Variants in CDH12 observed in about 807,000 individuals in gnomAD.
CDH12 encodes cadherin-12.
In CDH12, 41 loss-of-function variants were observed where a neutral mutation model predicts 74.1. The ratio of observed to expected loss-of-function variants is 0.55; its 90% CI spans 0.43 to 0.72. CDH12 has a LOEUF of 0.72. Ranked by LOEUF, CDH12 falls within the 30% of genes least tolerant of loss-of-function variation. The probability of loss-of-function intolerance (pLI) is 0.00; values close to 1 mark genes in which losing one functional copy is unlikely to be tolerated. For synonymous variants in CDH12, 399 were observed against 355.0 expected (o/e 1.12, Z -1.39); for missense variants, 945 against 977.2 (o/e 0.97, Z 0.44).
intron 3 of CDH12, among the ~76,000 whole-genome samples, chr5:22,222,470 A>C (rs1408134234): frequency 1.3e-5 from 2 of 151,884 alleles, no homozygotes; most frequent in East Asian, 1.9e-4. Flanking sequence ...TGACAAGCCA[A>C]CTTTTCAATT....
rs1180064675 is a variant in CDH12 at position 21,755,763 on chromosome 5, T to C, written c.1713A>G (p.Ile571Met). 1 of 1,613,986 alleles carries C rather than the reference T, an allele frequency of 6.2e-7. No individual in the cohort carries two copies. The highest frequency in any genetic ancestry group is 1.7e-5 in the Admixed American group (1 of 59,992). ...QQELYFLPVV[I>M]EDSSYPVQSS... ...TCTGGACAGGGTAGCTGCTGTCTTC[T>C]ATTACAACAGGGAGGAAATACAACT... The change falls in exon 14 of 15, where the codon ATA becomes ATG. Residue 571 changes from isoleucine (I) to methionine (M), a missense_variant. Around this residue, in one of 3 missense-constraint regions of CDH12, gnomAD observed 791 missense variants for 792.8 expected, o/e 1.00. Transcript: ENST00000382254.
chr5:22,496,643 C>T (rs1398396967), intron 2 of CDH12, among the ~76,000 whole-genome samples: 1 of 152,148 alleles, frequency 6.6e-6, no homozygotes, highest in Admixed American at 6.5e-5. Context: ...AATCCATCAA[C>T]ACTGCTGTTG....
intron 3 of CDH12, among the ~76,000 whole-genome samples, chr5:22,332,619 G>T (rs1381892229): frequency 6.6e-6 from 1 of 151,964 alleles, no homozygotes. Context: ...ATATTTAAAA[G>T]AATAAAACAA....
intron 4 of CDH12, among the ~76,000 whole-genome samples, chr5:22,117,436 TTA>T (rs1263482105): frequency 1.6e-4 from 17 of 108,248 alleles, no homozygotes; most frequent in South Asian, 4.9e-4. Context: ...CATATATAAA[TTA>T]TATATATATA....
In CDH12 at chr5:21,850,504, T is replaced by C. The variant is rs55895245; in HGVS notation, c.646+4167A>G. Among the ~76,000 whole-genome samples the C allele has an allele frequency of 7.9e-3, 1,205 of 151,754 alleles. 7 individuals carry two copies. The highest frequency in any genetic ancestry group is 0.012 in the Admixed American group (178 of 15,174). On this transcript the variant is annotated intron_variant, in intron 7 of 14. Coordinates refer to ENST00000382254, the MANE Select transcript of CDH12 (RefSeq NM_004061.5). The stretch of plus-strand genomic sequence containing the variant: ...TAAGTATGTCTATAGTATCATAAAG[T>C]GTTAGCTCAAAATATAGAGTTATTG...
At chr5:22,611,359 T>C (rs947020965) in intron 1 of CDH12, among the ~76,000 whole-genome samples, 12 of 152,198 alleles carry the variant, frequency 7.9e-5, no homozygotes, top group African/African-American at 2.9e-4. Flanking sequence ...TTGCTCCCCA[T>C]ATTCAGTAAG....
chr5:22,610,917 G>T (rs905613463), intron 1 of CDH12, among the ~76,000 whole-genome samples: 1 of 151,946 alleles, frequency 6.6e-6, no homozygotes. Flanking sequence ...GATAGATGAG[G>T]ATGTATACGA....
chr5:22,314,091 C>T (rs1416590364), intron 3 of CDH12, among the ~76,000 whole-genome samples: 1 of 152,100 alleles, frequency 6.6e-6, no homozygotes, highest in Non-Finnish European at 1.5e-5. Context: ...GGTGGCTTTT[C>T]CAGGTGATGT....
chr5:21,755,864 G>A (rs758043983), intron 13 of CDH12, 22 bp from the exon 14 acceptor site: 7 of 1,612,504 alleles, frequency 4.3e-6, no homozygotes, highest in South Asian at 1.1e-5. Flanking sequence ...GACATTTATG[G>A]TAACATGGTT....
intron 1 of CDH12, among the ~76,000 whole-genome samples, chr5:22,759,625 G>A (rs533157994): frequency 6.6e-6 from 1 of 151,952 alleles, no homozygotes; most frequent in Non-Finnish European, 1.5e-5. Flanking sequence ...AAAACTTCTC[G>A]CATTTATTAT....
At position 22,454,695 on chromosome 5, in the gene CDH12, G is replaced by T. The variant is rs192081308; in HGVS notation, c.-427-49344C>A. Among the ~76,000 whole-genome samples the T allele has an allele frequency of 5.9e-5, 9 of 152,102 alleles. No homozygotes were observed. In the East Asian group the frequency reaches 1.6e-3, roughly 26 times the overall value. ...TCACCATGTTGGCCAGGCTAGTCTC[G>T]AACTCCTGTCCTTAAATGATCCACC... On this transcript the variant is annotated intron_variant, in intron 2 of 14. Coordinates refer to ENST00000382254, the MANE Select transcript of CDH12 (RefSeq NM_004061.5).
intron 4 of CDH12, among the ~76,000 whole-genome samples, chr5:22,098,610 T>G (rs1228513040): frequency 4.6e-5 from 7 of 152,290 alleles, no homozygotes; most frequent in East Asian, 3.9e-4. Flanking sequence ...CACATATACT[T>G]TCTGCTCCCC....
At chr5:21,771,178 C>T (rs574435642) in intron 11 of CDH12, among the ~76,000 whole-genome samples, 17 of 150,010 alleles carry the variant, frequency 1.1e-4, no homozygotes, top group African/African-American at 3.2e-4. Flanking sequence ...CACATGTACC[C>T]TTGAACCTAA....
At chr5:21,926,833 G>A (rs1202223513) in intron 6 of CDH12, among the ~76,000 whole-genome samples, 1 of 152,164 alleles carries the variant, frequency 6.6e-6, no homozygotes, top group Non-Finnish European at 1.5e-5. Context: ...AGAGGTGATG[G>A]TAGAATGTTC....
intron 3 of CDH12, among the ~76,000 whole-genome samples, chr5:22,369,575 GC>G (rs1434457165): frequency 6.6e-6 from 1 of 152,108 alleles, no homozygotes; most frequent in Non-Finnish European, 1.5e-5. Flanking sequence ...CTTCTTAAAT[GC>G]ATTTTAAAGT....
chr5:21,750,915 A>G lies in CDH12; in HGVS notation c.*822T>C, dbSNP rs1350419422. On this transcript the variant is annotated 3_prime_UTR_variant, in exon 15 of 15. Coordinates refer to ENST00000382254, the MANE Select transcript of CDH12 (RefSeq NM_004061.5). ...ATTTTAATGTGTAATTTGAGCCCTG[A>G]GGCCTCTCTTTATAAAGAGGAATAT... is the stretch of plus-strand genomic sequence containing the variant. 2 of 151,238 alleles carry G rather than the reference A, an allele frequency of 1.3e-5. No individual in the cohort carries two copies. Among genetic ancestry groups the G allele is most frequent in the Non-Finnish European group, 2.9e-5 (2 of 67,806 alleles). 9.4% of individuals were successfully genotyped at this position (151,238 alleles called of 1,614,324 possible). A position where few individuals can be genotyped will look rare whatever the true frequency, so the allele number is the denominator to read the frequency against.
intron 1 of CDH12, among the ~76,000 whole-genome samples, chr5:22,842,306 T>TA (rs550296071): frequency 8.6e-4 from 130 of 151,172 alleles, no homozygotes; most frequent in Admixed American, 8.6e-4. Context: ...CATAGACAGC[T>TA]AAAAAAAAAC....
intron 1 of CDH12, among the ~76,000 whole-genome samples, chr5:22,845,492 A>AG (rs1257455388): frequency 1.3e-5 from 2 of 152,116 alleles, no homozygotes; most frequent in Non-Finnish European, 2.9e-5. Flanking sequence ...AAATGGATTG[A>AG]GGGCTGCTAT....
At chr5:22,677,348 C>T (rs1232291852) in intron 1 of CDH12, among the ~76,000 whole-genome samples, 2 of 152,076 alleles carry the variant, frequency 1.3e-5, no homozygotes, top group Non-Finnish European at 2.9e-5. Flanking sequence ...AAGAAGTCAA[C>T]AGACGTCTTG....
Sources: gnomAD v4.1 joint callset for allele counts (sites outside exome capture counted in the v4.1 genomes callset) on GRCh38, gnomAD v4.1.1 for gene constraint, gnomAD v4.1.1 regional missense constraint, MANE v1.5 for transcripts, NCBI Gene and HGNC (gene_info 2026-07-23, HGNC 2026-07-21) for gene names.